ZNF337: variants seen among roughly 807,000 people sequenced by gnomAD.
The protein encoded by ZNF337 is zinc finger protein 337.
Under a neutral mutation model 12.1 loss-of-function variants are expected in ZNF337, and 8 were observed. The ratio of observed to expected loss-of-function variants is 0.66; its 90% CI spans 0.39 to 1.19. ZNF337 has a LOEUF of 1.19. Ranked by LOEUF, ZNF337 falls within the 50% of genes most tolerant of loss-of-function variation. ZNF337 has a pLI of 0.01. For missense variants in ZNF337, 882 were observed against 896.6 expected (o/e 0.98, Z 0.21); for synonymous variants, 336 against 320.0 (o/e 1.05, Z -0.53).
intron 1 of ZNF337, among the ~76,000 whole-genome samples, chr20:25,691,360 TGATA>T (rs1453350130): frequency 1.3e-5 from 2 of 152,176 alleles, no homozygotes; most frequent in African/African-American, 4.8e-5. Flanking sequence ...TAGAAGATGC[TGATA>T]GATTACTGAA....
At chr20:25,678,180 T>G (rs535440282) in intron 4 of ZNF337, 3 of 152,278 alleles carry the variant, frequency 2.0e-5, no homozygotes, top group Admixed American at 2.0e-4. Flanking sequence ...AACTGATGAA[T>G]GATGTCAATA....
At chr20:25,688,954 C>T (rs2065858862) in intron 1 of ZNF337, among the ~76,000 whole-genome samples, 6 of 151,976 alleles carry the variant, frequency 3.9e-5, no homozygotes, top group Admixed American at 3.9e-4. Context: ...CACCGTGAAA[C>T]CCGTCTCTAC....
At chr20:25,691,533 G>A (rs150019305) in intron 1 of ZNF337, among the ~76,000 whole-genome samples, 54 of 152,276 alleles carry the variant, frequency 3.5e-4, no homozygotes, top group Middle Eastern at 3.4e-3. Flanking sequence ...GGACTGGCAG[G>A]GGGAGAGAAG....
chr20:25,683,675 T>C (rs1009615109), intron 4 of ZNF337, among the ~76,000 whole-genome samples: 3 of 152,112 alleles, frequency 2.0e-5, no homozygotes, highest in Admixed American at 6.5e-5. Context: ...TCATACCAGT[T>C]AGAATGGCAA....
At chr20:25,685,778 G>A in intron 3 of ZNF337, 116 bp from the exon 4 acceptor site, 1 of 1,179,256 alleles carries the variant, frequency 8.5e-7, no homozygotes, top group Non-Finnish European at 1.2e-6. Flanking sequence ...GGCTCAGGAG[G>A]ACCCTGTCTA....
chr20:25,692,913 G>A (rs984347196), intron 1 of ZNF337, among the ~76,000 whole-genome samples: 1 of 152,092 alleles, frequency 6.6e-6, no homozygotes, highest in African/African-American at 2.4e-5. Flanking sequence ...TGATGATCAA[G>A]ACTTCACTAT....
intron 1 of ZNF337, among the ~76,000 whole-genome samples, chr20:25,694,220 T>A: frequency 6.6e-6 from 1 of 152,176 alleles, no homozygotes; most frequent in East Asian, 1.9e-4. Flanking sequence ...AACTGTCCTA[T>A]GAAGTGACTA....
rs780379724 is a variant in ZNF337 at position 25,676,462 on chromosome 20, T to TA, written c.825dup (p.Lys276Ter). ...CTCTCATGCACAGTGAGGTATGACT[T>TA]ACTGGTATAGCCTCGTCCACACACC... On this transcript the variant is annotated frameshift_variant, in exon 5 of 5. Coordinates refer to ENST00000252979, the MANE Select transcript of ZNF337 (RefSeq NM_015655.4). LOFTEE classifies it low-confidence loss of function (END_TRUNC). 8 of 1,613,758 alleles carry TA rather than the reference T, an allele frequency of 5.0e-6. No homozygotes were observed. Among genetic ancestry groups the TA allele is most frequent in the Non-Finnish European group, 6.8e-6 (8 of 1,179,942 alleles).
Position 25,676,333 on chromosome 20 carries a change from G to C in ZNF337, c.955C>G (p.Pro319Ala), listed in dbSNP as rs367982268. ...KHLKAHSGEK[P>A]FVCKECGRGY... ...CGCCCACACTCCTTGCACACAAAAG[G>C]CTTCTCCCCTGAATGCGCCTTCAAG... Residue 319 changes from proline to alanine, a missense_variant, in exon 5 of 5, where the codon CCT (proline) becomes GCT (alanine). Pro to Ala is a conservative substitution (Grantham distance 27). Coordinates refer to ENST00000252979, the MANE Select transcript of ZNF337 (RefSeq NM_015655.4). 53 of 1,613,062 alleles carry C rather than the reference G, an allele frequency of 3.3e-5. No individual in the cohort carries two copies. Among genetic ancestry groups the C allele is most frequent in the African/African-American group, 6.7e-5 (5 of 74,572 alleles).
In ZNF337 at chr20:25,693,878, A is replaced by C. The variant is rs2065900296; in HGVS notation, c.-50+2881T>G. Reference sequence around the variant, plus strand: ...AGTGGAGGAAGAGGAGCTGGGGACTAAAATGGCTCTAAAATGAGCTCTGCG... The same window carrying C: ...AGTGGAGGAAGAGGAGCTGGGGACTCAAATGGCTCTAAAATGAGCTCTGCG... On this transcript the variant is annotated intron_variant, in intron 1 of 4. Transcript: ENST00000252979. Among the ~76,000 whole-genome samples, 3 of 152,196 alleles carry C rather than the reference A, an allele frequency of 2.0e-5. 1 individual carries two copies. The South Asian group carries it at 6.2e-4, about 32-fold the overall frequency.
rs200934593 is a variant in ZNF337, at chr20:25,675,214, G to A, written c.2074C>T (p.Arg692Ter). The change falls in exon 5 of 5, where the codon CGA becomes TGA. Residue 692 changes from arginine (R) to a stop codon, truncating the protein, a stop_gained. Coordinates refer to ENST00000252979, the MANE Select transcript of ZNF337 (RefSeq NM_015655.4). LOFTEE classifies it low-confidence loss of function (END_TRUNC). ...AGGTCTGACTTACTGGTATAGCCTC[G>A]CTTACACTCCTGGCAAACAAAAGGC... is the stretch of plus-strand genomic sequence containing the variant. ...EKPFVCQECKRGYTSKSDLTV... is the reference protein window; with the variant it reads ...EKPFVCQECK 26 of 1,614,170 alleles carry A rather than the reference G, an allele frequency of 1.6e-5. No homozygotes were observed. Among genetic ancestry groups the A allele is most frequent in the Admixed American group, 1.2e-4 (7 of 60,026 alleles).
intron 1 of ZNF337, 175 bp from the exon 2 acceptor site, chr20:25,686,641 G>A (rs998498897): frequency 1.8e-6 from 1 of 571,112 alleles, no homozygotes; most frequent in Non-Finnish European, 3.1e-6. Flanking sequence ...TCCAGGACAA[G>A]CTCATCTGGG....
intron 4 of ZNF337, among the ~76,000 whole-genome samples, chr20:25,680,239 C>A (rs2065754560): frequency 1.3e-5 from 2 of 151,960 alleles, no homozygotes; most frequent in Non-Finnish European, 1.5e-5. Flanking sequence ...TATAGTTTAA[C>A]TGTAATTTAT....
intron 4 of ZNF337, among the ~76,000 whole-genome samples, chr20:25,682,862 A>C (rs148905854): frequency 6.6e-6 from 1 of 152,122 alleles, no homozygotes; most frequent in Non-Finnish European, 1.5e-5. Context: ...TATATCTTTA[A>C]ATCTTTGTAT....
chr20:25,680,767 A>G (rs2065759058), intron 4 of ZNF337: 1 of 152,234 alleles, frequency 6.6e-6, no homozygotes, highest in Non-Finnish European at 1.5e-5. Flanking sequence ...TTTTGGCACT[A>G]TCCACATACA....
At chr20:25,692,209 C>G (rs2065887109) in intron 1 of ZNF337, among the ~76,000 whole-genome samples, 1 of 152,098 alleles carries the variant, frequency 6.6e-6, no homozygotes, top group Non-Finnish European at 1.5e-5. Flanking sequence ...CTTAATGAAC[C>G]TGAGTGTGAA....
At position 25,686,102 on chromosome 20, in the gene ZNF337, A is replaced by T; in HGVS notation, c.48T>A (p.Asp16Glu). 1 of 1,614,028 alleles carries T rather than the reference A, an allele frequency of 6.2e-7. No homozygotes were observed. Among genetic ancestry groups the T allele is most frequent in the Non-Finnish European group, 8.5e-7 (1 of 1,179,992 alleles). ...CCTTCTGGGTGAAATCCACAGTGACATCCCCAAATGCCAAGAAAGCCTGTA... is the reference window on the plus strand; with the variant it reads ...CCTTCTGGGTGAAATCCACAGTGACTTCCCCAAATGCCAAGAAAGCCTGTA... ...ARRQAFLAFGDVTVDFTQKEW... is the reference protein window; with the variant it reads ...ARRQAFLAFGEVTVDFTQKEW... The change falls in exon 3 of 5, where the codon GAT becomes GAA. Residue 16 changes from aspartate to glutamate, a missense_variant. Coordinates refer to ENST00000252979, the MANE Select transcript of ZNF337 (RefSeq NM_015655.4).
chr20:25,683,390 C>G (rs879042780), intron 4 of ZNF337, among the ~76,000 whole-genome samples: 3 of 151,930 alleles, frequency 2.0e-5, no homozygotes, highest in Admixed American at 2.0e-4. Context: ...GTGAAGTGAC[C>G]TCTGGCAACA....
chr20:25,685,546 C>G (rs770746588), intron 4 of ZNF337, 21 bp downstream of exon 4: 1 of 1,602,196 alleles, frequency 6.2e-7, no homozygotes, highest in Admixed American at 1.7e-5. Flanking sequence ...TGTGCTCTGT[C>G]TGCCCTGTCT....
Sources: gnomAD v4.1 joint callset for allele counts (sites outside exome capture counted in the v4.1 genomes callset) on GRCh38, gnomAD v4.1.1 for gene constraint, MANE v1.5 for transcripts, NCBI Gene and HGNC (gene_info 2026-07-23, HGNC 2026-07-21) for gene names.